The following CALHM3 variants were observed in gnomAD, a reference collection of about 807,000 sequenced individuals.
The protein encoded by CALHM3 is calcium homeostasis modulator protein 3.
CALHM3 carries 9 observed loss-of-function variants against 13.6 expected under a neutral mutation model. The observed-to-expected ratio is 0.66, with a 90% confidence interval of 0.40 to 1.15. The LOEUF is 1.15. CALHM3 is among the 50% of genes most tolerant of loss of function. The pLI is 0.01. For synonymous variants in CALHM3, 231 were observed against 213.2 expected (o/e 1.08, Z -0.73); for missense variants, 497 against 463.4 (o/e 1.07, Z -0.67).
intron 1 of CALHM3, among the ~76,000 whole-genome samples, chr10:103,477,528 G>A (rs1422431867): frequency 6.6e-6 from 1 of 152,202 alleles, no homozygotes; most frequent in Non-Finnish European, 1.5e-5. Flanking sequence ...CCTACCCAGT[G>A]TGAGCTGTAA....
rs192870161 is a variant in CALHM3, at chr10:103,475,016, A to G, written c.543+1278T>C. On this transcript the variant is annotated intron_variant, in intron 2 of 2. Transcript: ENST00000369783. The stretch of plus-strand genomic sequence containing the variant: ...GAGGGCCAAGACTGAAGGCTGAACG[A>G]CAGTGACACACAATATGAACAGGGG... Among the ~76,000 whole-genome samples, 418 of 152,338 alleles carry G rather than the reference A, an allele frequency of 2.7e-3. 4 individuals are homozygous for G. The highest frequency in any genetic ancestry group is 9.4e-3 in the African/African-American group (390 of 41,564).
At position 103,473,479 on chromosome 10, in the gene CALHM3, G is replaced by T; in HGVS notation, c.769C>A (p.Arg257=). The part of the protein sequence containing the change: ...FASMRSELQA[R]GLRRGNAGRR... ...CCTGCATTGCCCCGGCGCAGCCCCC[G>T]CGCCTGCAGCTCACTCCGCATGCTG... Residue 257 remains arginine (R), a synonymous_variant, in exon 3 of 3, where the codon CGG becomes AGG. Coordinates refer to ENST00000369783, the MANE Select transcript of CALHM3 (RefSeq NM_001129742.2). 6.5e-7 allele frequency: 1 copy of T among 1,549,032 alleles called. No individual in the cohort carries two copies.
chr10:103,476,423 C>T lies in CALHM3; in HGVS notation c.414G>A (p.Leu138=). ...FSSSVDPEKF[L]DFANMTPSQV... ...GGCTGGGGGTCATGTTGGCAAAGTC[C>T]AGAAACTTCTCAGGGTCCACAGAGC... Residue 138 remains leucine (L), a synonymous_variant, in exon 2 of 3, where the codon CTG becomes CTA. Transcript: ENST00000369783. 6.4e-7 allele frequency: 1 copy of T among 1,551,732 alleles called. No individual in the cohort carries two copies. The highest frequency in any genetic ancestry group is 1.4e-5 in the African/African-American group (1 of 73,172).
intron 1 of CALHM3, among the ~76,000 whole-genome samples, chr10:103,477,056 C>T (rs971936957): frequency 1.3e-5 from 2 of 152,310 alleles, no homozygotes; most frequent in East Asian, 3.9e-4. Flanking sequence ...TCTATGCATG[C>T]CCTTAGGGGG....
chr10:103,474,702 G>A (rs11191703), intron 2 of CALHM3, among the ~76,000 whole-genome samples: 7,838 of 152,098 alleles, frequency 0.052, 675 homozygotes, highest in African/African-American at 0.18. Flanking sequence ...TGATCCACCC[G>A]CCTCGGCCTC....
intron 2 of CALHM3, 131 bp downstream of exon 2, chr10:103,476,163 G>A: frequency 7.9e-7 from 1 of 1,267,564 alleles, no homozygotes; most frequent in Non-Finnish European, 1.1e-6. Flanking sequence ...GTGGTCTCCA[G>A]CACTTCCCTG....
chr10:103,473,222 G>A lies in CALHM3; in HGVS notation c.1026C>T (p.Thr342=), dbSNP rs879034143. The part of the protein sequence containing the change: ...LALGTRLSQH[T]DV The stretch of plus-strand genomic sequence containing the variant: ...AAGCCTGGCCAGGACCCTACACGTC[G>A]GTGTGTTGTGACAGCCTCGTGCCCA... Residue 342 remains threonine (T), a synonymous_variant, in exon 3 of 3, where the codon ACC becomes ACT. Coordinates refer to ENST00000369783, the MANE Select transcript of CALHM3 (RefSeq NM_001129742.2). The A allele has an allele frequency of 1.4e-6, 2 of 1,420,998 alleles. No homozygotes were observed. Among genetic ancestry groups the A allele is most frequent in the Non-Finnish European group, 1.8e-6 (2 of 1,084,562 alleles). The allele number at this position is 1,420,998 out of a possible 1,614,324, so 88.0% of individuals were successfully genotyped here.
rs2033344410 is a variant in CALHM3, at chr10:103,473,318, C to T, written c.930G>A (p.Pro310=). ...RLLSTWYSSK[P]PLDLAASPGL... ...CGGGGGATGCAGCCAGGTCCAGCGGCGGCTTGCTGGAGTACCACGTGCTTA... is the reference window on the plus strand; with the variant it reads ...CGGGGGATGCAGCCAGGTCCAGCGGTGGCTTGCTGGAGTACCACGTGCTTA... The change falls in exon 3 of 3, where the codon CCG becomes CCA. Residue 310 remains proline, a synonymous_variant. Transcript: ENST00000369783. The T allele has an allele frequency of 6.7e-7, 1 of 1,495,804 alleles. No individual in the cohort carries two copies. The highest frequency in any genetic ancestry group is 1.3e-5 in the South Asian group (1 of 75,360). 92.7% of individuals were successfully genotyped at this position (1,495,804 alleles called of 1,614,324 possible).
chr10:103,476,560 AG>A lies in CALHM3; in HGVS notation c.288-12del. On this transcript the variant is annotated splice_polypyrimidine_tract_variant and intron_variant, in intron 1 of 2. Coordinates refer to ENST00000369783, the MANE Select transcript of CALHM3 (RefSeq NM_001129742.2). ...GAGGAGCACATGTACCTGGCAGCAG[AG>A]GAAGGAGGGGGGTCAAGGGGCAGCT... 1 of 1,550,620 alleles carries A rather than the reference AG, an allele frequency of 6.4e-7. No individual in the cohort carries two copies. The highest frequency in any genetic ancestry group is 1.4e-5 in the African/African-American group (1 of 73,146).
chr10:103,474,366 C>T lies in CALHM3; in HGVS notation c.544-662G>A, dbSNP rs151024269. Reference sequence around the variant, plus strand: ...ATCTCTTCTCCCATTCATTCATGCTCTCATATGCTCCTCCTTCCTTCCCTT... The same window carrying T: ...ATCTCTTCTCCCATTCATTCATGCTTTCATATGCTCCTCCTTCCTTCCCTT... On this transcript the variant is annotated intron_variant, in intron 2 of 2. Coordinates refer to ENST00000369783, the MANE Select transcript of CALHM3 (RefSeq NM_001129742.2). Among the ~76,000 whole-genome samples the T allele has an allele frequency of 3.6e-4, 55 of 152,286 alleles. No individual in the cohort carries two copies. In the East Asian group the frequency reaches 9.1e-3, roughly 25 times the overall value.
chr10:103,476,285 C>G lies in CALHM3; in HGVS notation c.543+9G>C, dbSNP rs762179943. On this transcript the variant is annotated intron_variant, in intron 2 of 2. Transcript: ENST00000369783. ...GGTGCAAGGGCCGGGGGAGGATCAC[C>G]CCAGTTACCTGTGACAGGCACCGCA... 19 of 1,551,016 alleles carry G rather than the reference C, an allele frequency of 1.2e-5. No homozygotes were observed. The highest frequency in any genetic ancestry group is 5.9e-5 in the Admixed American group (3 of 50,980).
chr10:103,476,657 T>C, intron 1 of CALHM3, 108 bp from the exon 2 acceptor site: 1 of 1,335,962 alleles, frequency 7.5e-7, no homozygotes, highest in Admixed American at 2.1e-5. Flanking sequence ...TACATCAGAC[T>C]GCAGCTCCCA....
intron 2 of CALHM3, 101 bp from the exon 3 acceptor site, chr10:103,473,805 T>A: frequency 1.5e-6 from 2 of 1,347,334 alleles, no homozygotes; most frequent in South Asian, 3.1e-5. Flanking sequence ...TTTAATTTGA[T>A]CATGTCTACA....
In CALHM3 at chr10:103,476,476, C is replaced by G; in HGVS notation, c.361G>C (p.Gly121Arg). 1 of 1,551,616 alleles carries G rather than the reference C, an allele frequency of 6.4e-7. No homozygotes were observed. The highest frequency in any genetic ancestry group is 8.7e-7 in the Non-Finnish European group (1 of 1,146,958). The change falls in exon 2 of 3, where the codon GGG becomes CGG. Residue 121 changes from glycine to arginine, a missense_variant. By Grantham distance (125) the Gly-to-Arg change is moderately radical (BLOSUM62 -2). Transcript: ENST00000369783. ...CTGAAGGCACACACGAAGCACTTCC[C>G]GTCAAGGAGGGCCAGCAGGATCCAG... is the stretch of plus-strand genomic sequence containing the variant. The part of the protein sequence containing the change: ...LVWILLALLD[G>R]KCFVCAFSSS...
intron 1 of CALHM3, among the ~76,000 whole-genome samples, chr10:103,477,726 C>T (rs572062304): frequency 7.2e-5 from 11 of 152,250 alleles, no homozygotes; most frequent in South Asian, 2.1e-4. Flanking sequence ...CCCAACACCA[C>T]GCCCAGCTAA....
At position 103,473,423 on chromosome 10, in the gene CALHM3, C is replaced by A. The variant is rs1461146811; in HGVS notation, c.825G>T (p.Glu275Asp). 5 of 1,522,874 alleles carry A rather than the reference C, an allele frequency of 3.3e-6. No individual in the cohort carries two copies. Among genetic ancestry groups the A allele is most frequent in the Middle Eastern group, 3.4e-4 (2 of 5,852 alleles). 94.3% of individuals were successfully genotyped at this position (1,522,874 alleles called of 1,614,324 possible). ...TTCCACTATCCAGGCCTTCTGGGGG[C>A]TCAGGCACTGCGGGGAGCTCGAGTC... ...GRRLELPAVP[E>D]PPEGLDSGSG... is the part of the protein sequence containing the mutation. The change falls in exon 3 of 3, where the codon GAG (glutamate) becomes GAT (aspartate). Residue 275 changes from glutamate (E) to aspartate (D), a missense_variant. By Grantham distance (45) the Glu-to-Asp change is conservative. Coordinates refer to ENST00000369783, the MANE Select transcript of CALHM3 (RefSeq NM_001129742.2).
chr10:103,478,637 C>T lies in CALHM3; in HGVS notation c.287+109G>A, dbSNP rs2033418069. On this transcript the variant is annotated intron_variant, in intron 1 of 2. Transcript: ENST00000369783. Reference sequence around the variant, plus strand: ...TACCTGTAGGGTGGGTGGAGAATCCCCTGATAATGAGAATGGTTGGGGTCT... The same window carrying T: ...TACCTGTAGGGTGGGTGGAGAATCCTCTGATAATGAGAATGGTTGGGGTCT... 1.0e-5 allele frequency: 12 copies of T among 1,168,636 alleles called. No homozygotes were observed. In the East Asian group the frequency reaches 2.9e-4, roughly 28 times the overall value. 72.4% of individuals were successfully genotyped at this position (1,168,636 alleles called of 1,614,324 possible).
intron 2 of CALHM3, among the ~76,000 whole-genome samples, chr10:103,475,749 A>G (rs1337437980): frequency 1.3e-5 from 2 of 152,212 alleles, no homozygotes; most frequent in African/African-American, 2.4e-5. Context: ...GACACAACTC[A>G]GTGCTGGGGC....
chr10:103,472,890 G>C lies in CALHM3; in HGVS notation c.*323C>G. On this transcript the variant is annotated 3_prime_UTR_variant, in exon 3 of 3. Transcript: ENST00000369783. The stretch of plus-strand genomic sequence containing the variant: ...CCATGGCAGATTTACTTAGATTCTT[G>C]CTACTCAAAGTTTGGTTCACTGACC... 3.3e-6 allele frequency: 1 copy of C among 299,324 alleles called. No homozygotes were observed. Among genetic ancestry groups the C allele is most frequent in the Non-Finnish European group, 6.1e-6 (1 of 163,656 alleles). The allele number at this position is 299,324 out of a possible 1,614,324, so 18.5% of individuals were successfully genotyped here. A position where few individuals can be genotyped will look rare whatever the true frequency, so the allele number is the denominator to read the frequency against.
Sources: allele counts gnomAD v4.1 joint callset (sites outside exome capture counted in the v4.1 genomes callset), GRCh38; gene constraint gnomAD v4.1.1; transcripts MANE v1.5; gene names NCBI Gene and HGNC (gene_info 2026-07-23, HGNC 2026-07-21).